PADI2: variants seen among roughly 807,000 people sequenced by gnomAD.
PADI2 encodes the protein peptidyl arginine deiminase 2.
Under a neutral mutation model 81.1 loss-of-function variants are expected in PADI2, and 70 were observed. The observed-to-expected ratio is 0.86, with a 90% CI of 0.71 to 1.05. The LOEUF (loss-of-function observed/expected upper bound fraction) is 1.05. PADI2 is among the 50% of genes least tolerant of loss of function. The pLI, the probability that PADI2 is intolerant of heterozygous loss-of-function variation, is 0.00. For missense variants in PADI2, 853 were observed against 889.9 expected (o/e 0.96, Z 0.53); for synonymous variants, 338 against 358.0 (o/e 0.94, Z 0.63).
intron 9 of PADI2, chr1:17,082,893 CAG>C: frequency 2.4e-6 from 1 of 415,094 alleles, no homozygotes; most frequent in Non-Finnish European, 4.3e-6. Flanking sequence ...TTTTTTGAGA[CAG>C]GGTCTCACTC....
Position 17,068,328 on chromosome 1 carries a change from A to T in PADI2, c.*716T>A, listed in dbSNP as rs765554331. The T allele has an allele frequency of 6.5e-6, 1 of 152,724 alleles. No individual in the cohort carries two copies. Among genetic ancestry groups the T allele is most frequent in the African/African-American group, 2.4e-5 (1 of 41,476 alleles). The allele number at this position is 152,724 out of a possible 1,614,324, so 9.5% of individuals were successfully genotyped here. ...TATGCTGGTCTGGGGAGAAATCCCCATGCATGCGGGGGAGCCTGCATCCCT... is the reference window on the plus strand; with the variant it reads ...TATGCTGGTCTGGGGAGAAATCCCCTTGCATGCGGGGGAGCCTGCATCCCT... On this transcript the variant is annotated 3_prime_UTR_variant, in exon 16 of 16. Transcript: ENST00000375486.
At chr1:17,080,549 G>A (rs889754268) in intron 10 of PADI2, among the ~76,000 whole-genome samples, 5 of 152,142 alleles carry the variant, frequency 3.3e-5, no homozygotes, top group Non-Finnish European at 2.9e-5. Context: ...TGGAGATTTC[G>A]GGTTGGTTTG....
At chr1:17,079,544 G>A (rs11805924) in intron 10 of PADI2, 129 bp from the exon 11 acceptor site, 50,079 of 683,922 alleles carry the variant, frequency 0.073, 2,343 homozygotes, top group Middle Eastern at 0.15. Flanking sequence ...GTTGTCCACG[G>A]TCTTCCTATG....
intron 9 of PADI2, 128 bp from the exon 10 acceptor site, chr1:17,082,780 C>A (rs1210311164): frequency 1.6e-6 from 1 of 613,462 alleles, no homozygotes; most frequent in Admixed American, 3.0e-5. Flanking sequence ...TTCCCTGGTC[C>A]CCCATCCTCC....
intron 1 of PADI2, among the ~76,000 whole-genome samples, chr1:17,108,121 G>A (rs1224929095): frequency 6.6e-6 from 1 of 152,016 alleles, no homozygotes; most frequent in Non-Finnish European, 1.5e-5. Context: ...GCTAATTTTT[G>A]TATTTTTAGT....
rs956343504 is a variant in PADI2 at position 17,109,016 on chromosome 1, C to A, written c.93-3955G>T. Among the ~76,000 whole-genome samples, 12 of 152,074 alleles carry A rather than the reference C, an allele frequency of 7.9e-5. No homozygotes were observed. In the East Asian group the frequency reaches 2.3e-3, roughly 29 times the overall value. On this transcript the variant is annotated intron_variant, in intron 1 of 15. Transcript: ENST00000375486. ...TCCAGTGTTAGGTGAGAGGATGGAA[C>A]CAGAGCAGAGGTGGCTGAGTCCAGA...
At chr1:17,102,388 G>A (rs1456888509) in intron 3 of PADI2, among the ~76,000 whole-genome samples, 1 of 152,192 alleles carries the variant, frequency 6.6e-6, no homozygotes, top group Non-Finnish European at 1.5e-5. Context: ...TGATGCAATG[G>A]AGAGAACCTG....
At chr1:17,095,641 C>G (rs144057996) in intron 4 of PADI2, among the ~76,000 whole-genome samples, 1 of 152,160 alleles carries the variant, frequency 6.6e-6, no homozygotes, top group African/African-American at 2.4e-5. Context: ...TCCTCTGTAG[C>G]GGGCACATTT....
In PADI2 at chr1:17,067,858, T is replaced by C. The variant is rs1489191620; in HGVS notation, c.*1186A>G. The C allele has an allele frequency of 6.6e-6, 1 of 152,342 alleles. No homozygotes were observed. The highest frequency in any genetic ancestry group is 1.5e-5 in the Non-Finnish European group (1 of 68,050). The allele number at this position is 152,342 out of a possible 1,614,324, so 9.4% of individuals were successfully genotyped here. On this transcript the variant is annotated 3_prime_UTR_variant, in exon 16 of 16. Transcript: ENST00000375486. The stretch of plus-strand genomic sequence containing the variant: ...TGGGATTATAATTCATTTATTCTTC[T>C]GGCCCTAAAGGAACTTTTAACGATT...
chr1:17,092,678 G>A (rs967958194), intron 5 of PADI2, 145 bp from the exon 6 acceptor site: 15 of 694,388 alleles, frequency 2.2e-5, no homozygotes, highest in Non-Finnish European at 3.1e-5. Context: ...GCTGGGTGCT[G>A]TGGCTCACAC....
At position 17,119,389 on chromosome 1, in the gene PADI2, C is replaced by T. The variant is rs758577929; in HGVS notation, c.-18G>A. On this transcript the variant is annotated 5_prime_UTR_variant, in exon 1 of 16. Transcript: ENST00000375486. The surrounding 1 kb of genome is among the most constrained non-coding windows in gnomAD (Gnocchi z 4.8). ...CGCAGCATCCTCCCCGCCGCAGTGC[C>T]CGCGCTCGCTGGTCCGGGGCGGCCG... The T allele has an allele frequency of 6.6e-7, 1 of 1,520,842 alleles. No individual in the cohort carries two copies. Among genetic ancestry groups the T allele is most frequent in the Non-Finnish European group, 8.8e-7 (1 of 1,133,728 alleles). 94.2% of individuals were successfully genotyped at this position (1,520,842 alleles called of 1,614,324 possible).
At chr1:17,103,096 A>G in intron 2 of PADI2, 37 bp from the exon 3 acceptor site, 1 of 1,460,118 alleles carries the variant, frequency 6.8e-7, no homozygotes, top group Non-Finnish European at 9.6e-7. Context: ...TAGAGAGAAA[A>G]GAGAGCAGAG....
intron 9 of PADI2, chr1:17,083,237 T>C (rs2078359766): frequency 1.9e-5 from 3 of 159,524 alleles, no homozygotes; most frequent in Non-Finnish European, 2.7e-5. Context: ...CCCAGCTACT[T>C]GGGAGGCTGA....
chr1:17,080,702 T>G (rs2078337930), intron 10 of PADI2, among the ~76,000 whole-genome samples: 1 of 152,238 alleles, frequency 6.6e-6, no homozygotes, highest in Admixed American at 6.5e-5. Context: ...TCCAAAAAAT[T>G]GGAGTTAGCC....
intron 4 of PADI2, 144 bp from the exon 5 acceptor site, chr1:17,093,828 A>C: frequency 1.6e-5 from 9 of 574,398 alleles, no homozygotes; most frequent in East Asian, 2.9e-5. Flanking sequence ...TGTGAATCTC[A>C]AGACTGATGT....
Position 17,075,661 on chromosome 1 carries a change from C to T in PADI2, c.1455+18G>A. The T allele has an allele frequency of 6.2e-7, 1 of 1,606,032 alleles. No homozygotes were observed. Among genetic ancestry groups the T allele is most frequent in the Admixed American group, 1.7e-5 (1 of 57,874 alleles). ...TTGCTGCTACCCCATTCACTCCAGC[C>T]TCGGGAGGCTAGCTTACCTTTGTGC... is the stretch of plus-strand genomic sequence containing the variant. On this transcript the variant is annotated intron_variant, in intron 12 of 15. Coordinates refer to ENST00000375486, the MANE Select transcript of PADI2 (RefSeq NM_007365.3).
intron 1 of PADI2, among the ~76,000 whole-genome samples, chr1:17,118,511 C>T (rs1346714633): frequency 6.6e-6 from 1 of 152,112 alleles, no homozygotes; most frequent in Non-Finnish European, 1.5e-5. Context: ...CCCTACCCTA[C>T]CTTCAGCTGT....
chr1:17,090,708 A>G (rs1930659424), intron 6 of PADI2, among the ~76,000 whole-genome samples: 1 of 151,484 alleles, frequency 6.6e-6, no homozygotes, highest in Non-Finnish European at 1.5e-5. Flanking sequence ...GCTGCTCCCC[A>G]CAGGATGGGC....
Position 17,095,894 on chromosome 1 carries a change from C to A in PADI2, c.411+15G>T. The A allele has an allele frequency of 6.2e-7, 1 of 1,605,018 alleles. No homozygotes were observed. The highest frequency in any genetic ancestry group is 1.1e-5 in the South Asian group (1 of 88,736). On this transcript the variant is annotated intron_variant, in intron 4 of 15. Transcript: ENST00000375486. The stretch of plus-strand genomic sequence containing the variant: ...CCCTGGGTTCAGGGTGGTGCCTGCC[C>A]TGAAAGCTAGGTACCTTCTTTGGGT...
Sources: gnomAD v4.1 joint callset for allele counts (sites outside exome capture counted in the v4.1 genomes callset) on GRCh38, gnomAD v4.1.1 for gene constraint, Gnocchi (gnomAD v3.1) non-coding constraint, MANE v1.5 for transcripts, NCBI Gene and HGNC (gene_info 2026-07-23, HGNC 2026-07-21) for gene names.